Variants in MARCHF6 observed in about 807,000 individuals in gnomAD.
The protein encoded by MARCHF6 is membrane associated ring-CH-type finger 6.
A neutral mutation model predicts 133.7 loss-of-function variants in MARCHF6; 31 were observed. The observed-to-expected ratio is 0.23, with a 90% CI of 0.17 to 0.31. The LOEUF is 0.31. Among genes scored for constraint, MARCHF6 ranks in the 10% least tolerant of loss-of-function variants. The pLI is 1.00. For missense variants in MARCHF6, 723 were observed against 1,121.6 expected, an observed-to-expected ratio of 0.64 and a Z score of 5.08; for synonymous variants, 395 against 402.5, an observed-to-expected ratio of 0.98 and a Z score of 0.22.
rs546828071 is a variant in MARCHF6 at position 10,402,926 on chromosome 5, A to G, written c.1197+319A>G. ...ACATAGAGAATAATTTGATAAGGAA[A>G]CTGTCTTTGTAGTAATAAATTTAAC... On this transcript the variant is annotated intron_variant, in intron 14 of 25. Coordinates refer to ENST00000274140, the MANE Select transcript of MARCHF6 (RefSeq NM_005885.4). 7.2e-5 allele frequency among the ~76,000 whole-genome samples: 11 copies of G among 152,270 alleles called. No homozygotes were observed. In the East Asian group the frequency reaches 9.6e-4, roughly 13 times the overall value.
intron 9 of MARCHF6, among the ~76,000 whole-genome samples, chr5:10,395,348 T>G (rs1176269812): frequency 6.6e-6 from 1 of 152,132 alleles, no homozygotes; most frequent in Non-Finnish European, 1.5e-5. Context: ...GAACTTGGTC[T>G]TCTTTTAAAG....
At chr5:10,384,950 A>G (rs1173916785) in intron 4 of MARCHF6, among the ~76,000 whole-genome samples, 3 of 152,230 alleles carry the variant, frequency 2.0e-5, no homozygotes, top group African/African-American at 4.8e-5. Flanking sequence ...TATCAGTCAA[A>G]TGCCTATTAA....
intron 20 of MARCHF6, 52 bp from the exon 21 acceptor site, chr5:10,415,436 C>A: frequency 6.8e-7 from 1 of 1,477,110 alleles, no homozygotes; most frequent in Non-Finnish European, 9.4e-7. Context: ...ATGAAGATGA[C>A]AATTCTCTTT....
chr5:10,417,238 C>G (rs1193487478), intron 21 of MARCHF6, 32 bp from the exon 22 acceptor site: 1 of 1,592,602 alleles, frequency 6.3e-7, no homozygotes, highest in African/African-American at 1.4e-5. Context: ...GAAAGATCCT[C>G]TTTAATGATG....
intron 10 of MARCHF6, among the ~76,000 whole-genome samples, chr5:10,398,645 A>C (rs890074062): frequency 3.3e-5 from 5 of 152,106 alleles, no homozygotes; most frequent in Non-Finnish European, 7.4e-5. Context: ...CTTGCAGAAA[A>C]GCTTAATGCT....
chr5:10,387,089 G>A (rs996902742), intron 5 of MARCHF6, 23 bp downstream of exon 5: 20 of 1,564,452 alleles, frequency 1.3e-5, no homozygotes, highest in South Asian at 4.6e-5. Context: ...CCTCTGTGAC[G>A]AATGTTGCAT....
chr5:10,397,418 G>A (rs1738260297), intron 10 of MARCHF6, 74 bp downstream of exon 10: 5 of 1,091,610 alleles, frequency 4.6e-6, no homozygotes, highest in Middle Eastern at 2.5e-4. Flanking sequence ...CTTGTTATAG[G>A]TTTATTATTA....
chr5:10,372,069 A>T (rs1736503723), intron 1 of MARCHF6, among the ~76,000 whole-genome samples: 1 of 151,578 alleles, frequency 6.6e-6, no homozygotes, highest in African/African-American at 2.4e-5. Flanking sequence ...AGTAGGCCAA[A>T]AAAAAAAAAG....
At chr5:10,384,604 G>A (rs1360268227) in intron 4 of MARCHF6, among the ~76,000 whole-genome samples, 3 of 152,142 alleles carry the variant, frequency 2.0e-5, no homozygotes, top group African/African-American at 7.2e-5. Flanking sequence ...GGATACCAAG[G>A]GATGACAGTA....
chr5:10,386,741 T>TA (rs990800355), intron 4 of MARCHF6, among the ~76,000 whole-genome samples: 3 of 152,008 alleles, frequency 2.0e-5, no homozygotes, highest in East Asian at 1.9e-4. Context: ...GCTCATTCAA[T>TA]AAAAAAAAGC....
intron 1 of MARCHF6, among the ~76,000 whole-genome samples, chr5:10,357,852 C>T (rs1312803404): frequency 6.6e-6 from 1 of 151,932 alleles, no homozygotes; most frequent in African/African-American, 2.4e-5. Context: ...TAGTTATTAG[C>T]TTAAGACAAA....
At position 10,402,406 on chromosome 5, in the gene MARCHF6, T is replaced by G; in HGVS notation, c.1076T>G (p.Phe359Cys). Residue 359 changes from phenylalanine (F) to cysteine (C), a missense_variant, in exon 13 of 26, where the codon TTT (phenylalanine) becomes TGT (cysteine). Transcript: ENST00000274140. ...ICHGLATLVK[F>C]HRSRRLLGVC... ...TAGGGCTTGGCAACTCTTGTGAAAT[T>G]TCATAGATCTCGTCGCTTACTGGGA... 1 of 1,614,020 alleles carries G rather than the reference T, an allele frequency of 6.2e-7. No individual in the cohort carries two copies.
chr5:10,429,109 A>G (rs1352257887), intron 24 of MARCHF6, among the ~76,000 whole-genome samples: 26 of 152,240 alleles, frequency 1.7e-4, no homozygotes. Context: ...GCTTATGCAC[A>G]GCACACTATT....
Position 10,387,016 on chromosome 5 carries a change from T to G in MARCHF6, c.357T>G (p.Phe119Leu). 6.2e-7 allele frequency: 1 copy of G among 1,613,358 alleles called. No individual in the cohort carries two copies. The highest frequency in any genetic ancestry group is 8.5e-7 in the Non-Finnish European group (1 of 1,179,352). The change falls in exon 5 of 26, where the codon TTT (phenylalanine) becomes TTG (leucine). Residue 119 changes from phenylalanine (F) to leucine (L), a missense_variant. By Grantham distance (22) the Phe-to-Leu change is conservative. Transcript: ENST00000274140. ...LTACRIYKCL[F>L]TGSVSSLLTL... Reference sequence around the variant, plus strand: ...TAGGCCGCATCTACAAGTGCTTGTTTACTGGCTCCGTGAGCTCACTACTGA... The same window carrying G: ...TAGGCCGCATCTACAAGTGCTTGTTGACTGGCTCCGTGAGCTCACTACTGA...
intron 22 of MARCHF6, among the ~76,000 whole-genome samples, chr5:10,421,311 G>T (rs1368696973): frequency 2.0e-5 from 3 of 152,132 alleles, no homozygotes; most frequent in African/African-American, 7.2e-5. Context: ...ATAAAATGTG[G>T]AATATCAATG....
intron 17 of MARCHF6, among the ~76,000 whole-genome samples, chr5:10,407,551 C>G (rs1201410444): frequency 6.6e-6 from 1 of 152,170 alleles, no homozygotes; most frequent in African/African-American, 2.4e-5. Flanking sequence ...TTAGCATCAT[C>G]TTTATTTTGA....
intron 22 of MARCHF6, among the ~76,000 whole-genome samples, chr5:10,419,483 A>G (rs995830056): frequency 1.1e-4 from 16 of 152,332 alleles, no homozygotes; most frequent in Non-Finnish European, 1.9e-4. Flanking sequence ...TTTCAATTAC[A>G]GATGGGTTTA....
At chr5:10,382,152 A>G (rs1027063914) in intron 4 of MARCHF6, among the ~76,000 whole-genome samples, 2 of 152,360 alleles carry the variant, frequency 1.3e-5, no homozygotes, top group Non-Finnish European at 2.9e-5. Context: ...GTGGGAAAGA[A>G]CACAGCATAC....
At chr5:10,366,205 G>A (rs1293013631) in intron 1 of MARCHF6, among the ~76,000 whole-genome samples, 6 of 152,196 alleles carry the variant, frequency 3.9e-5, no homozygotes, top group African/African-American at 1.4e-4. Context: ...TTACAGGCAT[G>A]AGCCACTGCG....
Sources: allele counts gnomAD v4.1 joint callset (sites outside exome capture counted in the v4.1 genomes callset), GRCh38; gene constraint gnomAD v4.1.1; transcripts MANE v1.5; gene names NCBI Gene and HGNC (gene_info 2026-07-23, HGNC 2026-07-21).